The following ITPR1 variants were observed in gnomAD, a reference collection of about 807,000 sequenced individuals.
ITPR1 encodes inositol 1,4,5-trisphosphate-gated calcium channel ITPR1.
Under a neutral mutation model 318.4 loss-of-function variants are expected in ITPR1, and 96 were observed. That is an observed-to-expected ratio of 0.30 (90% CI 0.26 to 0.36). The LOEUF (loss-of-function observed/expected upper bound fraction) is 0.36. Ranked by LOEUF, ITPR1 falls within the 10% of genes least tolerant of loss-of-function variation. The pLI, the probability that ITPR1 is intolerant of heterozygous loss-of-function variation, is 1.00. For missense variants in ITPR1, 2,440 were observed against 3,460.2 expected (o/e 0.71, Z 7.40); for synonymous variants, 1,312 against 1,289.9 (o/e 1.02, Z -0.37).
intron 4 of ITPR1, among the ~76,000 whole-genome samples, chr3:4,607,526 A>G (rs2091786083): frequency 6.6e-6 from 1 of 152,098 alleles, no homozygotes; most frequent in Non-Finnish European, 1.5e-5. Context: ...GAATTGCAAG[A>G]GAGAGAGTTT....
chr3:4,545,746 A>T (rs1344431508), intron 4 of ITPR1, among the ~76,000 whole-genome samples: 1 of 135,098 alleles, frequency 7.4e-6, no homozygotes, highest in Non-Finnish European at 1.5e-5. Context: ...CACCCAGGCT[A>T]GAGTGCAGTG....
At chr3:4,719,820 C>T (rs1401175668) in intron 40 of ITPR1, among the ~76,000 whole-genome samples, 2 of 152,078 alleles carry the variant, frequency 1.3e-5, no homozygotes, top group African/African-American at 4.8e-5. Context: ...TGTTTGAAAC[C>T]AGGAAGAGGA....
chr3:4,626,113 A>C (rs1004808201), intron 4 of ITPR1, among the ~76,000 whole-genome samples: 3 of 151,644 alleles, frequency 2.0e-5, no homozygotes, highest in Non-Finnish European at 4.4e-5. Context: ...TAGCCATTGC[A>C]CTCCAGCCTG....
chr3:4,651,444 C>A (rs145925500), intron 10 of ITPR1, among the ~76,000 whole-genome samples: 45 of 152,318 alleles, frequency 3.0e-4, no homozygotes, highest in African/African-American at 1.1e-3. Flanking sequence ...CCAGAGAGGA[C>A]CCTCAGGTAG....
At chr3:4,689,532 T>C (rs1394928756) in intron 31 of ITPR1, among the ~76,000 whole-genome samples, 2 of 152,200 alleles carry the variant, frequency 1.3e-5, no homozygotes, top group Admixed American at 6.5e-5. Context: ...CAGCAGACTA[T>C]AATGCAAATA....
chr3:4,768,498 G>A lies in ITPR1; in HGVS notation c.5726-13G>A. 6.3e-7 allele frequency: 1 copy of A among 1,596,994 alleles called. No individual in the cohort carries two copies. Among genetic ancestry groups the A allele is most frequent in the East Asian group, 2.2e-5 (1 of 44,604 alleles). On this transcript the variant is annotated splice_polypyrimidine_tract_variant and intron_variant, in intron 45 of 61. Transcript: ENST00000649015. Reference sequence around the variant, plus strand: ...GACTCTGCAGCCTTTCATGCCTTATGCTTGCTTTCTAGCTAAAGAGCCCAC... The same window carrying A: ...GACTCTGCAGCCTTTCATGCCTTATACTTGCTTTCTAGCTAAAGAGCCCAC...
At position 4,700,103 on chromosome 3, in the gene ITPR1, G is replaced by A. The variant is rs549593618; in HGVS notation, c.4536+162G>A. Among the ~76,000 whole-genome samples, 150 of 152,150 alleles carry A rather than the reference G, an allele frequency of 9.9e-4. 4 individuals carry two copies. Among genetic ancestry groups the A allele is most frequent in the Non-Finnish European group, 1.1e-3 (76 of 68,032 alleles). ...AGATAGCTTTGATGGGATTTCTTGG[G>A]TAAAGAAGTACCTGGGGATATTTTC... is the stretch of plus-strand genomic sequence containing the variant. On this transcript the variant is annotated intron_variant, in intron 35 of 61. Coordinates refer to ENST00000649015, the MANE Select transcript of ITPR1 (RefSeq NM_001378452.1).
At chr3:4,808,793 A>G (rs990530475) in intron 55 of ITPR1, among the ~76,000 whole-genome samples, 1 of 152,200 alleles carries the variant, frequency 6.6e-6, no homozygotes, top group Non-Finnish European at 1.5e-5. Flanking sequence ...GAGTTGGGAG[A>G]GCTCCCTCCA....
intron 5 of ITPR1, among the ~76,000 whole-genome samples, chr3:4,634,464 G>A (rs1341538416): frequency 6.6e-6 from 1 of 151,726 alleles, no homozygotes; most frequent in Non-Finnish European, 1.5e-5. Flanking sequence ...CACCCACCTC[G>A]GCCTCCCAAA....
At chr3:4,752,509 G>A (rs183671306) in intron 44 of ITPR1, among the ~76,000 whole-genome samples, 18 of 152,302 alleles carry the variant, frequency 1.2e-4, no homozygotes, top group Non-Finnish European at 1.5e-4. Context: ...GCTGGTCTGC[G>A]GTGTGCTGCA....
intron 2 of ITPR1, among the ~76,000 whole-genome samples, chr3:4,511,524 G>A (rs1443510942): frequency 3.9e-5 from 6 of 152,128 alleles, no homozygotes; most frequent in Admixed American, 1.3e-4. Flanking sequence ...GGTGGGTGGC[G>A]GTCTGATAGT....
intron 55 of ITPR1, among the ~76,000 whole-genome samples, chr3:4,811,016 C>T (rs1262645683): frequency 1.3e-5 from 2 of 152,256 alleles, no homozygotes; most frequent in Non-Finnish European, 2.9e-5. Flanking sequence ...TTTCCAGTCC[C>T]TCTAAATGGC....
chr3:4,777,572 G>C (rs1031915511), intron 48 of ITPR1, among the ~76,000 whole-genome samples, 198 bp downstream of exon 48: 15 of 152,226 alleles, frequency 9.9e-5, no homozygotes, highest in African/African-American at 3.6e-4. Flanking sequence ...CTCATGAGGG[G>C]ATAGGAGCTT....
At chr3:4,537,353 C>T (rs780205195) in intron 4 of ITPR1, among the ~76,000 whole-genome samples, 1 of 152,172 alleles carries the variant, frequency 6.6e-6, no homozygotes, top group Non-Finnish European at 1.5e-5. Context: ...ATTGTAAGCT[C>T]TGTTCTTCTA....
intron 42 of ITPR1, among the ~76,000 whole-genome samples, chr3:4,727,428 T>G (rs1281146803): frequency 6.6e-6 from 1 of 152,238 alleles, no homozygotes; most frequent in Non-Finnish European, 1.5e-5. Flanking sequence ...CTTTTTTCTT[T>G]TCTGTGGTGG....
At chr3:4,627,727 T>A in intron 4 of ITPR1, 36 bp from the exon 5 acceptor site, 1 of 1,332,492 alleles carries the variant, frequency 7.5e-7, no homozygotes, top group Non-Finnish European at 1.1e-6. Context: ...CTATACACCC[T>A]CAATGGCAAT....
At chr3:4,765,579 A>C (rs1456884909) in intron 44 of ITPR1, among the ~76,000 whole-genome samples, 1 of 152,196 alleles carries the variant, frequency 6.6e-6, no homozygotes, top group East Asian at 1.9e-4. Flanking sequence ...TGCCTTCTGT[A>C]GGGAAGTGCC....
At chr3:4,543,686 G>A (rs998087782) in intron 4 of ITPR1, among the ~76,000 whole-genome samples, 1 of 152,090 alleles carries the variant, frequency 6.6e-6, no homozygotes, top group African/African-American at 2.4e-5. Flanking sequence ...CAAGTGATCT[G>A]CCCACCTCGG....
Position 4,710,513 on chromosome 3 carries a change from C to T in ITPR1, c.4991+40C>T, listed in dbSNP as rs922527294. The T allele has an allele frequency of 3.3e-6, 5 of 1,532,340 alleles. No individual in the cohort carries two copies. The highest frequency in any genetic ancestry group is 4.4e-6 in the Non-Finnish European group (5 of 1,133,488). 94.9% of individuals were successfully genotyped at this position (1,532,340 alleles called of 1,614,324 possible). A position where few individuals can be genotyped will look rare whatever the true frequency, so the allele number is the denominator to read the frequency against. On this transcript the variant is annotated intron_variant, in intron 38 of 61. Coordinates refer to ENST00000649015, the MANE Select transcript of ITPR1 (RefSeq NM_001378452.1). The surrounding 1 kb of genome is among the most constrained non-coding windows in gnomAD (Gnocchi z 4.2). ...TCTCTGGGGTGTTCATTTGCCAGAA[C>T]CTTGATGACCTCACAAAGCTTTTGT...
Sources: gnomAD v4.1 joint callset for allele counts (sites outside exome capture counted in the v4.1 genomes callset) on GRCh38, gnomAD v4.1.1 for gene constraint, Gnocchi (gnomAD v3.1) non-coding constraint, MANE v1.5 for transcripts, NCBI Gene and HGNC (gene_info 2026-07-23, HGNC 2026-07-21) for gene names.